PUM2: variants seen among roughly 807,000 people sequenced by gnomAD.
PUM2 encodes the protein pumilio homolog 2.
A neutral mutation model predicts 124.5 loss-of-function variants in PUM2; 57 were observed. The observed-to-expected ratio is 0.46, with a 90% confidence interval of 0.37 to 0.57. The LOEUF is 0.57. Among genes scored for constraint, PUM2 ranks in the 20% least tolerant of loss-of-function variants. PUM2 has a pLI of 0.00. For missense variants in PUM2, 1,065 were observed against 1,290.6 expected (o/e 0.83, Z 2.68); for synonymous variants, 460 against 446.1 (o/e 1.03, Z -0.39).
intron 15 of PUM2, among the ~76,000 whole-genome samples, chr2:20,258,650 C>CTTTTTTTTTT (rs1057217780): frequency 2.7e-4 from 25 of 93,862 alleles, no homozygotes; most frequent in East Asian, 6.8e-4. Context: ...AACCCTTCAT[C>CTTTTTTTTTT]TTTTTTTTTT....
At position 20,278,528 on chromosome 2, in the gene PUM2, C is replaced by T. The variant is rs1193417376; in HGVS notation, c.1957+55G>A. 12 of 1,379,044 alleles carry T rather than the reference C, an allele frequency of 8.7e-6. No individual in the cohort carries two copies. The East Asian group carries it at 2.3e-4, about 27-fold the overall frequency. 85.4% of individuals were successfully genotyped at this position (1,379,044 alleles called of 1,614,324 possible). On this transcript the variant is annotated intron_variant, in intron 13 of 20. Coordinates refer to ENST00000361078, the MANE Select transcript of PUM2 (RefSeq NM_015317.5). ...TTTACATATATTATAAACACACACA[C>T]AAACACACATACATGTATACATACA...
chr2:20,266,489 CAA>C (rs75589275), intron 13 of PUM2, among the ~76,000 whole-genome samples: 67 of 128,600 alleles, frequency 5.2e-4, no homozygotes, highest in Middle Eastern at 3.9e-3. Context: ...ACCCCCCCAC[CAA>C]AAAAAAAAAA....
intron 14 of PUM2, among the ~76,000 whole-genome samples, chr2:20,262,686 T>C (rs1272329863): frequency 3.3e-5 from 5 of 152,234 alleles, no homozygotes; most frequent in Non-Finnish European, 5.9e-5. Context: ...TACAATTCTA[T>C]TTTCCTTTCT....
At chr2:20,269,849 G>C (rs1431902603) in intron 13 of PUM2, among the ~76,000 whole-genome samples, 2 of 152,112 alleles carry the variant, frequency 1.3e-5, no homozygotes, top group Non-Finnish European at 2.9e-5. Context: ...ATAAAGGGCA[G>C]ACTATCACCA....
At chr2:20,299,694 T>G (rs535489237) in intron 7 of PUM2, among the ~76,000 whole-genome samples, 1 of 152,176 alleles carries the variant, frequency 6.6e-6, no homozygotes, top group South Asian at 2.1e-4. Flanking sequence ...AACATGGTTT[T>G]AGAGAGTTTT....
intron 13 of PUM2, among the ~76,000 whole-genome samples, chr2:20,276,843 G>A (rs1375071921): frequency 6.6e-6 from 1 of 152,054 alleles, no homozygotes; most frequent in Non-Finnish European, 1.5e-5. Context: ...AATCAGAGGT[G>A]TATTAAAATA....
chr2:20,350,696 C>A lies in PUM2; in HGVS notation c.-118G>T. On this transcript the variant is annotated 5_prime_UTR_variant, in exon 1 of 21. Coordinates refer to ENST00000361078, the MANE Select transcript of PUM2 (RefSeq NM_015317.5). ...CCTCCCCCTCCTCCGCCTTCGGTGG[C>A]GGCAATGTCTTCTTTCTCCACCTAC... The A allele has an allele frequency of 3.0e-6, 3 of 984,186 alleles. No homozygotes were observed. Among genetic ancestry groups the A allele is most frequent in the Non-Finnish European group, 3.6e-6 (3 of 829,080 alleles). 61.0% of individuals were successfully genotyped at this position (984,186 alleles called of 1,614,324 possible). A position where few individuals can be genotyped will look rare whatever the true frequency, so the allele number is the denominator to read the frequency against.
chr2:20,282,669 C>T lies in PUM2; in HGVS notation c.1720+278G>A, dbSNP rs1671807076. ...TGAATAATATATTGACCCAAATAAACCCTACTAAAACAAAAATTACAGTAA... is the reference window on the plus strand; with the variant it reads ...TGAATAATATATTGACCCAAATAAATCCTACTAAAACAAAAATTACAGTAA... On this transcript the variant is annotated intron_variant, in intron 12 of 20. Coordinates refer to ENST00000361078, the MANE Select transcript of PUM2 (RefSeq NM_015317.5). 2.0e-5 allele frequency among the ~76,000 whole-genome samples: 3 copies of T among 151,980 alleles called. No individual in the cohort carries two copies. The South Asian group carries it at 6.2e-4, about 32-fold the overall frequency.
intron 10 of PUM2, among the ~76,000 whole-genome samples, chr2:20,290,339 A>G (rs752682696): frequency 1.3e-5 from 2 of 152,218 alleles, no homozygotes; most frequent in Non-Finnish European, 2.9e-5. Flanking sequence ...CCAACTCTCA[A>G]TAACTGTTTT....
chr2:20,272,467 T>C (rs1284749308), intron 13 of PUM2, among the ~76,000 whole-genome samples: 1 of 152,182 alleles, frequency 6.6e-6, no homozygotes, highest in African/African-American at 2.4e-5. Context: ...AGTGGCAACT[T>C]GGTCATTAGG....
chr2:20,348,566 G>C (rs546823726), intron 1 of PUM2, among the ~76,000 whole-genome samples: 2 of 152,286 alleles, frequency 1.3e-5, no homozygotes, highest in African/African-American at 4.8e-5. Flanking sequence ...CAAATCTCTG[G>C]TCATAATTAC....
Position 20,350,697 on chromosome 2 carries a change from G to A in PUM2, c.-119C>T, listed in dbSNP as rs1453355532. ...CTCCCCCTCCTCCGCCTTCGGTGGC[G>A]GCAATGTCTTCTTTCTCCACCTACC... is the stretch of plus-strand genomic sequence containing the variant. On this transcript the variant is annotated 5_prime_UTR_variant, in exon 1 of 21. Transcript: ENST00000361078. 1.0e-6 allele frequency: 1 copy of A among 983,920 alleles called. No individual in the cohort carries two copies. 60.9% of individuals were successfully genotyped at this position (983,920 alleles called of 1,614,324 possible). A position where few individuals can be genotyped will look rare whatever the true frequency, so the allele number is the denominator to read the frequency against.
chr2:20,313,740 G>A (rs139988378), intron 3 of PUM2, among the ~76,000 whole-genome samples: 3 of 151,312 alleles, frequency 2.0e-5, no homozygotes, highest in South Asian at 4.2e-4. Flanking sequence ...GAGAGCTGAG[G>A]GGGGAAGATT....
intron 13 of PUM2, among the ~76,000 whole-genome samples, chr2:20,269,701 G>C (rs1276311378): frequency 6.6e-6 from 1 of 152,110 alleles, no homozygotes; most frequent in African/African-American, 2.4e-5. Context: ...AACATTAGAT[G>C]CAAATTACAA....
At chr2:20,338,078 A>T (rs1056825264) in intron 1 of PUM2, among the ~76,000 whole-genome samples, 6 of 152,170 alleles carry the variant, frequency 3.9e-5, no homozygotes, top group Non-Finnish European at 8.8e-5. Flanking sequence ...ACCAAGCATA[A>T]GCCATCACTC....
chr2:20,300,010 C>A (rs561710624), intron 7 of PUM2, among the ~76,000 whole-genome samples: 1 of 152,274 alleles, frequency 6.6e-6, no homozygotes, highest in South Asian at 2.1e-4. Flanking sequence ...GAGATGAATC[C>A]TCCAGAGAGC....
intron 1 of PUM2, among the ~76,000 whole-genome samples, chr2:20,334,812 T>C (rs567118130): frequency 1.3e-5 from 2 of 152,358 alleles, no homozygotes; most frequent in East Asian, 3.9e-4. Flanking sequence ...ATCTACAGCC[T>C]GGAGACTGTA....
chr2:20,308,246 A>G (rs1165095040), intron 6 of PUM2, 68 bp downstream of exon 6: 51 of 1,539,456 alleles, frequency 3.3e-5, no homozygotes, highest in Non-Finnish European at 4.2e-5. Flanking sequence ...TTTCAATGCC[A>G]CATAGCACTT....
chr2:20,281,986 T>C (rs1399749179), intron 12 of PUM2, among the ~76,000 whole-genome samples: 1 of 152,178 alleles, frequency 6.6e-6, no homozygotes, highest in Non-Finnish European at 1.5e-5. Flanking sequence ...CAGAAAAGAA[T>C]ATAATTTGAT....
Sources: gnomAD v4.1 joint callset for allele counts (sites outside exome capture counted in the v4.1 genomes callset) on GRCh38, gnomAD v4.1.1 for gene constraint, MANE v1.5 for transcripts, NCBI Gene and HGNC (gene_info 2026-07-23, HGNC 2026-07-21) for gene names.